CDH13: variants seen among roughly 807,000 people sequenced by gnomAD.
The protein encoded by CDH13 is cadherin 13.
CDH13 carries 24 observed loss-of-function variants against 63.8 expected under a neutral mutation model. That is an observed-to-expected ratio of 0.38 (90% confidence interval 0.27 to 0.53). The LOEUF is 0.53. Ranked by LOEUF, CDH13 falls within the 20% of genes least tolerant of loss-of-function variation. The pLI, the probability that CDH13 is intolerant of heterozygous loss-of-function variation, is 0.85. For synonymous variants in CDH13, 503 were observed against 355.3 expected (o/e 1.42, Z -4.67); for missense variants, 1,049 against 903.1 (o/e 1.16, Z -2.07).
intron 5 of CDH13, among the ~76,000 whole-genome samples, chr16:83,336,007 C>G (rs1206297007): frequency 6.6e-6 from 1 of 151,986 alleles, no homozygotes; most frequent in Non-Finnish European, 1.5e-5. Context: ...TATTCTATTA[C>G]TAGATATTTG....
At chr16:83,363,588 A>G (rs912290295) in intron 6 of CDH13, among the ~76,000 whole-genome samples, 10 of 152,348 alleles carry the variant, frequency 6.6e-5, no homozygotes, top group Non-Finnish European at 1.3e-4. Context: ...AAATAAGAGA[A>G]GGAATCAAAG....
intron 1 of CDH13, among the ~76,000 whole-genome samples, chr16:82,776,371 C>T (rs1279309254): frequency 6.6e-6 from 1 of 152,088 alleles, no homozygotes; most frequent in South Asian, 2.1e-4. Flanking sequence ...TCAAGGCCTG[C>T]ATGCAAAAAA....
At chr16:83,645,135 T>G (rs1208973239) in intron 8 of CDH13, among the ~76,000 whole-genome samples, 2 of 152,210 alleles carry the variant, frequency 1.3e-5, no homozygotes, top group African/African-American at 4.8e-5. Context: ...AGCAAGGTCA[T>G]GGAACCAACC....
chr16:83,379,998 G>A (rs935993265), intron 6 of CDH13, among the ~76,000 whole-genome samples: 14 of 148,602 alleles, frequency 9.4e-5, no homozygotes, highest in African/African-American at 3.5e-4. Context: ...CAATTTTAGG[G>A]CATATTCCAT....
chr16:83,542,025 C>T (rs550299919), intron 7 of CDH13, among the ~76,000 whole-genome samples: 1 of 152,322 alleles, frequency 6.6e-6, no homozygotes, highest in African/African-American at 2.4e-5. Context: ...CGTTGTCTGA[C>T]CCTTGCTCCT....
intron 8 of CDH13, among the ~76,000 whole-genome samples, chr16:83,614,026 T>C (rs548694504): frequency 5.9e-5 from 9 of 152,322 alleles, no homozygotes; most frequent in African/African-American, 1.7e-4. Context: ...TCTGAGTCTA[T>C]TTCTATTATC....
chr16:83,518,954 C>T (rs976928469), intron 7 of CDH13, among the ~76,000 whole-genome samples: 2 of 152,148 alleles, frequency 1.3e-5, no homozygotes, highest in African/African-American at 2.4e-5. Context: ...TCTGGTATGT[C>T]TTTATTAGTA....
intron 10 of CDH13, among the ~76,000 whole-genome samples, chr16:83,683,889 A>G (rs1300809797): frequency 1.3e-5 from 2 of 152,202 alleles, no homozygotes; most frequent in Non-Finnish European, 2.9e-5. Flanking sequence ...CCTCTCCAAG[A>G]TCATGTACAT....
At chr16:83,101,095 C>T (rs977805997) in intron 3 of CDH13, among the ~76,000 whole-genome samples, 7 of 151,932 alleles carry the variant, frequency 4.6e-5, no homozygotes, top group African/African-American at 1.7e-4. Context: ...GGTCTAGGCA[C>T]AGGGGTACAG....
chr16:82,650,400 C>A (rs1409130001), intron 1 of CDH13, among the ~76,000 whole-genome samples: 2 of 152,198 alleles, frequency 1.3e-5, no homozygotes, highest in African/African-American at 4.8e-5. Flanking sequence ...AAAGCTCCAT[C>A]AACTCAGTGC....
At chr16:82,729,793 T>G (rs1173326033) in intron 1 of CDH13, among the ~76,000 whole-genome samples, 1 of 152,180 alleles carries the variant, frequency 6.6e-6, no homozygotes, top group African/African-American at 2.4e-5. Flanking sequence ...TATAAAGATG[T>G]TTTATCTACA....
chr16:83,338,571 A>G (rs2090651914), intron 5 of CDH13, among the ~76,000 whole-genome samples: 1 of 152,258 alleles, frequency 6.6e-6, no homozygotes. Context: ...ACCCATGGGA[A>G]GTGTTACAAA....
At chr16:83,056,290 A>G (rs1387636784) in intron 3 of CDH13, among the ~76,000 whole-genome samples, 1 of 152,212 alleles carries the variant, frequency 6.6e-6, no homozygotes, top group Non-Finnish European at 1.5e-5. Context: ...TAGAAATCCT[A>G]CTTCCAGATC....
intron 6 of CDH13, among the ~76,000 whole-genome samples, chr16:83,452,767 A>G (rs1471028024): frequency 4.6e-5 from 7 of 152,322 alleles, no homozygotes; most frequent in Middle Eastern, 3.4e-3. Flanking sequence ...GAAATAATGT[A>G]TGTGTTTGTG....
At chr16:83,345,114 A>T (rs2090811568) in intron 6 of CDH13, 108 bp downstream of exon 6, 2 of 1,291,072 alleles carry the variant, frequency 1.5e-6, no homozygotes, top group East Asian at 4.7e-5. Flanking sequence ...GTCAGCTCGT[A>T]TCAGCGTCGA....
chr16:83,040,774 A>C (rs1189768608), intron 3 of CDH13, among the ~76,000 whole-genome samples: 3 of 152,204 alleles, frequency 2.0e-5, no homozygotes, highest in African/African-American at 7.2e-5. Flanking sequence ...CCATCACAGC[A>C]TCCAAAGTAC....
intron 8 of CDH13, among the ~76,000 whole-genome samples, chr16:83,663,072 A>T (rs1913588955): frequency 6.6e-6 from 1 of 152,190 alleles, no homozygotes; most frequent in Non-Finnish European, 1.5e-5. Flanking sequence ...AAAAATGGCC[A>T]CCCCTTGCAC....
At chr16:82,743,084 G>A (rs16958449) in intron 1 of CDH13, among the ~76,000 whole-genome samples, 18,685 of 152,066 alleles carry the variant, frequency 0.12, 1,278 homozygotes, top group East Asian at 0.22. Flanking sequence ...TGTATGTAGC[G>A]CCCACAACAC....
intron 5 of CDH13, among the ~76,000 whole-genome samples, chr16:83,220,036 A>G (rs1414030941): frequency 1.3e-5 from 2 of 152,170 alleles, no homozygotes; most frequent in African/African-American, 4.8e-5. Context: ...TTCTTACACA[A>G]GTACTTGGGT....
Sources: gnomAD v4.1 joint callset for allele counts (sites outside exome capture counted in the v4.1 genomes callset) on GRCh38, gnomAD v4.1.1 for gene constraint, MANE v1.5 for transcripts, NCBI Gene and HGNC (gene_info 2026-07-23, HGNC 2026-07-21) for gene names.